The following USH2A variants were observed in gnomAD, a reference collection of about 807,000 sequenced individuals.
The protein encoded by USH2A is Usher syndrome 2A (autosomal recessive, mild).
A neutral mutation model predicts 538.9 loss-of-function variants in USH2A; 443 were observed. The observed-to-expected ratio is 0.82, with a 90% CI of 0.76 to 0.89. USH2A has a LOEUF of 0.89. Ranked by LOEUF, USH2A falls within the 40% of genes least tolerant of loss-of-function variation. USH2A has a pLI of 0.00. For synonymous variants in USH2A, 2,413 were observed against 2,273.5 expected (o/e 1.06, Z -1.75); for missense variants, 6,633 against 6,324.8 (o/e 1.05, Z -1.65).
Position 216,046,514 on chromosome 1 carries a change from G to A in USH2A, c.6242C>T (p.Ala2081Val). 8 of 1,613,822 alleles carry A rather than the reference G, an allele frequency of 5.0e-6. No individual in the cohort carries two copies. Among genetic ancestry groups the A allele is most frequent in the Non-Finnish European group, 6.8e-6 (8 of 1,179,800 alleles). ...LLLSWNPPKK[A>V]NGIITQYCLY... is the part of the protein sequence containing the mutation. ...ACAGTACTGAGTTATAATACCATTT[G>A]CCTTTTTGGGTGGGTTCCAGGAGAG... is the stretch of plus-strand genomic sequence containing the variant. The change falls in exon 32 of 72, where the codon GCA becomes GTA. Residue 2081 changes from alanine to valine, a missense_variant. Physicochemically the swap from Ala to Val is moderately conservative, Grantham distance 64. Transcript: ENST00000307340.
intron 5 of USH2A, among the ~76,000 whole-genome samples, chr1:216,325,884 A>G (rs2037723745): frequency 2.6e-5 from 4 of 152,236 alleles, no homozygotes; most frequent in Admixed American, 2.6e-4. Flanking sequence ...TTATTTAAAT[A>G]CCACAATATT....
At chr1:216,188,388 C>A (rs2034649668) in intron 20 of USH2A, among the ~76,000 whole-genome samples, 1 of 151,676 alleles carries the variant, frequency 6.6e-6, no homozygotes, top group Admixed American at 6.6e-5. Flanking sequence ...AAAAGGCAGA[C>A]TAGATCTCAT....
intron 9 of USH2A, among the ~76,000 whole-genome samples, chr1:216,301,018 G>A (rs1277417698): frequency 1.3e-5 from 2 of 151,732 alleles, no homozygotes; most frequent in East Asian, 1.9e-4. Context: ...CCAAAGTTCT[G>A]GGATTACAGG....
chr1:216,198,424 T>C lies in USH2A; in HGVS notation c.3972A>G (p.Thr1324=), dbSNP rs1431799224. Residue 1324 remains threonine, a synonymous_variant, in exon 18 of 72, where the codon ACA becomes ACG. Transcript: ENST00000307340. ...TGTATGGCTCCAAGCCAGTGATGGT[T>C]GTCATTGTTTGAGGAGGTTTTAATG... ...ENALKPPQTM[T]TITGLEPYTK... 1 of 1,613,932 alleles carries C rather than the reference T, an allele frequency of 6.2e-7. No homozygotes were observed. The highest frequency in any genetic ancestry group is 1.3e-5 in the African/African-American group (1 of 74,914).
intron 21 of USH2A, among the ~76,000 whole-genome samples, chr1:216,134,596 TC>T (rs2033444233): frequency 6.6e-6 from 1 of 152,052 alleles, no homozygotes; most frequent in African/African-American, 2.4e-5. Context: ...TTAAAGTCCA[TC>T]CCTGAAGGAG....
intron 21 of USH2A, among the ~76,000 whole-genome samples, chr1:216,122,719 G>A (rs923893359): frequency 6.6e-6 from 1 of 152,166 alleles, no homozygotes; most frequent in South Asian, 2.1e-4. Flanking sequence ...TAAAGCATAA[G>A]TCTGAATCTT....
intron 21 of USH2A, chr1:216,174,959 A>G: frequency 8.2e-7 from 1 of 1,221,268 alleles, no homozygotes; most frequent in Non-Finnish European, 1.0e-6. Context: ...TTCAAGAAAC[A>G]TGTCCTGGCA....
chr1:216,286,076 C>T (rs115176758), intron 11 of USH2A, among the ~76,000 whole-genome samples: 1 of 152,070 alleles, frequency 6.6e-6, no homozygotes, highest in African/African-American at 2.4e-5. Flanking sequence ...GTGGGGGACT[C>T]TTGGAAGGGC....
At chr1:216,265,921 G>C (rs2036463647) in intron 11 of USH2A, among the ~76,000 whole-genome samples, 1 of 152,068 alleles carries the variant, frequency 6.6e-6, no homozygotes, top group Admixed American at 6.6e-5. Flanking sequence ...AGGGGATAGG[G>C]AGAGGCTGGT....
intron 60 of USH2A, among the ~76,000 whole-genome samples, chr1:215,734,093 A>T (rs1269614873): frequency 1.3e-5 from 2 of 152,158 alleles, no homozygotes; most frequent in African/African-American, 4.8e-5. Flanking sequence ...CTGCCTGGGC[A>T]CCCAGGCTTT....
chr1:216,202,812 T>C (rs1292037885), intron 16 of USH2A, among the ~76,000 whole-genome samples: 2 of 152,148 alleles, frequency 1.3e-5, no homozygotes, highest in African/African-American at 2.4e-5. Context: ...ATTCTTTCTT[T>C]ACTGGGAAAC....
chr1:215,745,329 T>C (rs1238219755), intron 58 of USH2A, among the ~76,000 whole-genome samples: 1 of 152,190 alleles, frequency 6.6e-6, no homozygotes, highest in Non-Finnish European at 1.5e-5. Context: ...ATAACACTGT[T>C]GGGAAATGAA....
chr1:216,418,729 G>T, intron 2 of USH2A, 50 bp from the exon 3 acceptor site: 1 of 1,601,522 alleles, frequency 6.2e-7, no homozygotes, highest in Non-Finnish European at 8.5e-7. Context: ...CAACCAAAAA[G>T]ACATGCTAAG....
At chr1:215,902,019 T>G (rs1665514462) in intron 38 of USH2A, among the ~76,000 whole-genome samples, 1 of 152,168 alleles carries the variant, frequency 6.6e-6, no homozygotes. Context: ...TAATTATTAG[T>G]CACTAACTAT....
intron 56 of USH2A, 127 bp downstream of exon 56, chr1:215,766,554 G>A (rs2102747941): frequency 1.1e-6 from 1 of 875,774 alleles, no homozygotes; most frequent in South Asian, 1.4e-5. Flanking sequence ...AACCTAGAAT[G>A]CTATTTTATT....
At chr1:215,837,905 G>T in intron 47 of USH2A, 86 bp downstream of exon 47, 1 of 1,100,556 alleles carries the variant, frequency 9.1e-7, no homozygotes, top group Non-Finnish European at 1.4e-6. Flanking sequence ...AAATGAGATT[G>T]TCATGGCTGA....
chr1:216,358,205 T>C (rs2038423753), intron 4 of USH2A, among the ~76,000 whole-genome samples: 1 of 152,158 alleles, frequency 6.6e-6, no homozygotes, highest in Non-Finnish European at 1.5e-5. Flanking sequence ...AACACTCATA[T>C]GGAAGGTTGT....
intron 50 of USH2A, 113 bp downstream of exon 50, chr1:215,798,794 A>C (rs1662212662): frequency 1.7e-6 from 2 of 1,189,586 alleles, no homozygotes; most frequent in Non-Finnish European, 2.5e-6. Context: ...ATTGCATTAG[A>C]TATAACCAAT....
chr1:215,900,978 C>A, intron 38 of USH2A, 73 bp from the exon 39 acceptor site: 2 of 1,581,788 alleles, frequency 1.3e-6, no homozygotes, highest in Non-Finnish European at 1.7e-6. Context: ...TCGAAATGCT[C>A]CATATACTGG....
Sources: gnomAD v4.1 joint callset for allele counts (sites outside exome capture counted in the v4.1 genomes callset) on GRCh38, gnomAD v4.1.1 for gene constraint, MANE v1.5 for transcripts, NCBI Gene and HGNC (gene_info 2026-07-23, HGNC 2026-07-21) for gene names.